The following BRD2 variants were observed in gnomAD, a reference collection of about 807,000 sequenced individuals.
BRD2 encodes the protein bromodomain-containing protein 2.
BRD2 carries 15 observed loss-of-function variants against 79.1 expected under a neutral mutation model. The observed-to-expected ratio is 0.19, with a 90% CI of 0.13 to 0.29. The LOEUF (loss-of-function observed/expected upper bound fraction) is 0.29. BRD2 is among the 10% of genes least tolerant of loss of function. BRD2 has a pLI of 1.00. For synonymous variants in BRD2, 488 were observed against 358.6 expected, an observed-to-expected ratio of 1.36 and a Z score of -4.08; for missense variants, 1,053 against 991.3, an observed-to-expected ratio of 1.06 and a Z score of -0.84.
chr6:32,971,288 G>A (rs1432016561), intron 1 of BRD2: 1 of 289,406 alleles, frequency 3.5e-6, no homozygotes, highest in Admixed American at 5.2e-5. Flanking sequence ...CGAACGAGCA[G>A]AAATGTATTG....
At chr6:32,978,551 G>C (rs206780) in intron 10 of BRD2, 163 bp downstream of exon 10, 547,613 of 1,182,736 alleles carry the variant, frequency 0.46, 129,736 homozygotes, top group Non-Finnish European at 0.48. Context: ...TTTCGTGGAA[G>C]ACAGATTTTA....
chr6:32,971,568 A>C (rs1214369097), intron 1 of BRD2, 27 bp from the exon 2 acceptor site: 1 of 455,228 alleles, frequency 2.2e-6, no homozygotes, highest in African/African-American at 2.0e-5. Context: ...CGCGGCTTCT[A>C]AGATGGCGTC....
rs2127494651 is a variant in BRD2, at chr6:32,968,845, C to T, written c.-1516C>T. The T allele has an allele frequency of 6.4e-6, 1 of 155,194 alleles. No individual in the cohort carries two copies. Among genetic ancestry groups the T allele is most frequent in the Non-Finnish European group, 1.4e-5 (1 of 69,776 alleles). 9.6% of individuals were successfully genotyped at this position (155,194 alleles called of 1,614,324 possible). On this transcript the variant is annotated 5_prime_UTR_variant, in exon 1 of 13. Coordinates refer to ENST00000374825, the MANE Select transcript of BRD2 (RefSeq NM_005104.4). The stretch of plus-strand genomic sequence containing the variant: ...GTGGGGGGGAAGCGGGCACGTGACC[C>T]CGGTCAGCCAATCTGGGTGCTGCTG...
At position 32,976,797 on chromosome 6, in the gene BRD2, A is replaced by G. The variant is rs371260391; in HGVS notation, c.1061A>G (p.Asn354Ser). The G allele has an allele frequency of 3.8e-5, 62 of 1,613,208 alleles. No homozygotes were observed. The highest frequency in any genetic ancestry group is 1.5e-4 in the Admixed American group (9 of 60,026). Residue 354 changes from asparagine (N) to serine (S), a missense_variant, in exon 7 of 13, where the codon AAT (asparagine) becomes AGT (serine). Asn to Ser is a conservative substitution (Grantham distance 46). This residue lies in a region of BRD2 where 454 missense variants were observed against 430.5 expected (regional missense o/e 1.05). Transcript: ENST00000374825. ...GKLSEQLKHC[N>S]GILKELLSKK... ...CTTTCAGAACAGTTAAAACATTGCA[A>G]TGGCATTTTGAAGGAGTTACTCTCT...
Position 32,979,872 on chromosome 6 carries a change from C to T in BRD2, c.1886C>T (p.Thr629Ile). The T allele has an allele frequency of 6.2e-7, 1 of 1,613,056 alleles. No individual in the cohort carries two copies. Among genetic ancestry groups the T allele is most frequent in the Non-Finnish European group, 8.5e-7 (1 of 1,179,996 alleles). Residue 629 changes from threonine (T) to isoleucine (I), a missense_variant, in exon 11 of 13, where the codon ACA becomes ATA. Coordinates refer to ENST00000374825, the MANE Select transcript of BRD2 (RefSeq NM_005104.4). ...ATKTAPPALP[T>I]GYDSEEEEES... ...AAGACAGCCCCACCTGCCCTGCCTA[C>T]AGGTTATGATTCAGAGGAGGAGGAA... is the stretch of plus-strand genomic sequence containing the variant.
At chr6:32,977,120 A>G in intron 7 of BRD2, 184 bp downstream of exon 7, 2 of 1,218,746 alleles carry the variant, frequency 1.6e-6, no homozygotes, top group Non-Finnish European at 2.2e-6. Flanking sequence ...TTGAAACAGT[A>G]GGGTGGGGTT....
chr6:32,972,197 C>T lies in BRD2; in HGVS notation c.-702C>T, dbSNP rs1281295334. 7.3e-6 allele frequency: 4 copies of T among 544,808 alleles called. No homozygotes were observed. The highest frequency in any genetic ancestry group is 3.4e-5 in the East Asian group (1 of 29,570). 33.7% of individuals were successfully genotyped at this position (544,808 alleles called of 1,614,324 possible). On this transcript the variant is annotated 5_prime_UTR_variant, in exon 2 of 13. Coordinates refer to ENST00000374825, the MANE Select transcript of BRD2 (RefSeq NM_005104.4). ...AAAGGGCTGGCGCGGGGCTCGGCGGCGCCATTTCGTGCTGGAGTGGAGCAG... is the reference window on the plus strand; with the variant it reads ...AAAGGGCTGGCGCGGGGCTCGGCGGTGCCATTTCGTGCTGGAGTGGAGCAG...
At chr6:32,980,486 A>G (rs780076654) in intron 12 of BRD2, 22 bp downstream of exon 12, 8 of 1,612,864 alleles carry the variant, frequency 5.0e-6, no homozygotes, top group East Asian at 4.5e-5. Context: ...CTTTCATGCC[A>G]CTACAGATTG....
At position 32,980,352 on chromosome 6, in the gene BRD2, G is replaced by C. The variant is rs766201976; in HGVS notation, c.2157G>C (p.Lys719Asn). ...KKPRKPYTIK[K>N]PVGKTKEELA... Reference sequence around the variant, plus strand: ...AATTTCTTTCATTAGCCATTAAGAAGCCTGTGGGAAAGACAAAGGAGGAAC... The same window carrying C: ...AATTTCTTTCATTAGCCATTAAGAACCCTGTGGGAAAGACAAAGGAGGAAC... The change falls in exon 12 of 13, where the codon AAG becomes AAC. Residue 719 changes from lysine to asparagine, a missense_variant. Lys to Asn is a moderately conservative substitution (Grantham distance 94, BLOSUM62 0). This residue lies in a region of BRD2 where 139 missense variants were observed against 133.2 expected (regional missense o/e 1.04). Coordinates refer to ENST00000374825, the MANE Select transcript of BRD2 (RefSeq NM_005104.4). 5.6e-6 allele frequency: 9 copies of C among 1,612,970 alleles called. No homozygotes were observed. The highest frequency in any genetic ancestry group is 1.7e-5 in the Admixed American group (1 of 59,986).
intron 9 of BRD2, 32 bp downstream of exon 9, chr6:32,978,037 G>T (rs1350200532): frequency 1.9e-6 from 3 of 1,604,864 alleles, no homozygotes; most frequent in Non-Finnish European, 2.5e-6. Context: ...TTTTTATTGG[G>T]TAAGAGGTTC....
chr6:32,980,440 TCTA>T lies in BRD2; in HGVS notation c.2249_2251del (p.Thr750del). 1.2e-6 allele frequency: 2 copies of T among 1,613,062 alleles called. No homozygotes were observed. Among genetic ancestry groups the T allele is most frequent in the Non-Finnish European group, 1.7e-6 (2 of 1,180,022 alleles). The stretch of plus-strand genomic sequence containing the variant: ...ACAAGATGTCAGCGGACAGCTCAAT[TCTA>T]CTAAAAAGCCCCCCAAGAAAGGTGA... On this transcript the variant is annotated inframe_deletion, in exon 12 of 13. Coordinates refer to ENST00000374825, the MANE Select transcript of BRD2 (RefSeq NM_005104.4).
Position 32,979,698 on chromosome 6 carries a change from A to G in BRD2, c.1842-130A>G, listed in dbSNP as rs140800440. 5,159 of 1,083,290 alleles carry G rather than the reference A, an allele frequency of 4.8e-3. 125 individuals are homozygous for G. The Admixed American group carries it at 0.064, about 13-fold the overall frequency. The allele number at this position is 1,083,290 out of a possible 1,614,324, so 67.1% of individuals were successfully genotyped here. A position where few individuals can be genotyped will look rare whatever the true frequency, so the allele number is the denominator to read the frequency against. On this transcript the variant is annotated intron_variant, in intron 10 of 12. Coordinates refer to ENST00000374825, the MANE Select transcript of BRD2 (RefSeq NM_005104.4). ...ACAGTGTCCCAGTAGCCCACCTCTT[A>G]CTTGGCCATTGAATGGAAAAACAGA... is the stretch of plus-strand genomic sequence containing the variant.
intron 2 of BRD2, among the ~76,000 whole-genome samples, chr6:32,973,925 G>A (rs190811236): frequency 2.6e-4 from 40 of 152,144 alleles, no homozygotes; most frequent in African/African-American, 9.6e-4. Context: ...CTGTTGTGGC[G>A]TGAACTACCC....
In BRD2 at chr6:32,976,043, A is replaced by G; in HGVS notation, c.484A>G (p.Ile162Val). ...TGTGTTCTCATAGCCCACTGATGAT[A>G]TTGTCCTAATGGCACAAACGCTGGA... is the stretch of plus-strand genomic sequence containing the variant. ...CYIYNKPTDD[I>V]VLMAQTLEKI... Residue 162 changes from isoleucine to valine, a missense_variant, in exon 5 of 13, where the codon ATT becomes GTT. Ile to Val is a conservative substitution (Grantham distance 29, BLOSUM62 3). This residue lies in a region of BRD2 where 413 missense variants were observed against 335.1 expected (regional missense o/e 1.23). Transcript: ENST00000374825. 1.2e-6 allele frequency: 2 copies of G among 1,606,454 alleles called. No homozygotes were observed. Among genetic ancestry groups the G allele is most frequent in the Non-Finnish European group, 1.7e-6 (2 of 1,178,024 alleles).
chr6:32,970,957 A>C (rs1161306541), intron 1 of BRD2: 1 of 139,980 alleles, frequency 7.1e-6, no homozygotes, highest in Non-Finnish European at 1.5e-5. Flanking sequence ...GCGCTGACCG[A>C]TGGACCAGCC....
rs1000231033 is a variant in BRD2, at chr6:32,972,171, T to A, written c.-728T>A. The A allele has an allele frequency of 1.7e-6, 1 of 594,252 alleles. No individual in the cohort carries two copies. Among genetic ancestry groups the A allele is most frequent in the Non-Finnish European group, 3.1e-6 (1 of 326,986 alleles). 36.8% of individuals were successfully genotyped at this position (594,252 alleles called of 1,614,324 possible). The stretch of plus-strand genomic sequence containing the variant: ...GAAGCTCCTCCTCCCCGCCTATATA[T>A]AAAGGGCTGGCGCGGGGCTCGGCGG... On this transcript the variant is annotated 5_prime_UTR_variant, in exon 2 of 13. Coordinates refer to ENST00000374825, the MANE Select transcript of BRD2 (RefSeq NM_005104.4).
chr6:32,974,917 T>C (rs1012584383), intron 3 of BRD2, 152 bp downstream of exon 3: 1 of 1,388,882 alleles, frequency 7.2e-7, no homozygotes, highest in Non-Finnish European at 9.8e-7. Flanking sequence ...GGTATCTTGG[T>C]CCTTTGTGAT....
rs1450020286 is a variant in BRD2, at chr6:32,977,742, T to C, written c.1330-15T>C. 5 of 1,612,722 alleles carry C rather than the reference T, an allele frequency of 3.1e-6. No individual in the cohort carries two copies. Among genetic ancestry groups the C allele is most frequent in the Middle Eastern group, 1.7e-4 (1 of 6,060 alleles). On this transcript the variant is annotated splice_polypyrimidine_tract_variant and intron_variant, in intron 8 of 12. Transcript: ENST00000374825. ...CTGTTTATCAGCATAGTTTTGAGTT[T>C]GTGCCTCTTTGTAGGATGTATTTGA...
At chr6:32,975,266 TC>T in intron 3 of BRD2, 117 bp from the exon 4 acceptor site, 2 of 1,108,326 alleles carry the variant, frequency 1.8e-6, no homozygotes, top group Admixed American at 2.5e-5. Context: ...AAGTAACTGT[TC>T]CTTTGATGCA....
Sources: allele counts gnomAD v4.1 joint callset (sites outside exome capture counted in the v4.1 genomes callset), GRCh38; gene constraint gnomAD v4.1.1; regional missense constraint gnomAD v4.1.1; transcripts MANE v1.5; gene names NCBI Gene and HGNC (gene_info 2026-07-23, HGNC 2026-07-21).